NPLOC4: variants seen among roughly 807,000 people sequenced by gnomAD.
NPLOC4 encodes NPL4 homolog, ubiquitin recognition factor, also known as nuclear protein localization protein 4 homolog.
A neutral mutation model predicts 80.6 loss-of-function variants in NPLOC4; 18 were observed. The ratio of observed to expected loss-of-function variants is 0.22; its 90% CI spans 0.15 to 0.33. The LOEUF (loss-of-function observed/expected upper bound fraction) is 0.33, where lower values mean the gene tolerates loss of function less well. Ranked by LOEUF, NPLOC4 falls within the 10% of genes least tolerant of loss-of-function variation. The probability of loss-of-function intolerance (pLI) is 1.00; values close to 1 mark genes in which losing one functional copy is unlikely to be tolerated. For missense variants in NPLOC4, 540 were observed against 786.1 expected (o/e 0.69, Z 3.74); for synonymous variants, 313 against 301.5 (o/e 1.04, Z -0.39).
chr17:81,557,377 CAAAAG>C lies in NPLOC4; in HGVS notation c.*1877_*1881del, dbSNP rs1382933623. 2 of 152,426 alleles carry C rather than the reference CAAAAG, an allele frequency of 1.3e-5. No homozygotes were observed. Among genetic ancestry groups the C allele is most frequent in the African/African-American group, 4.8e-5 (2 of 41,452 alleles). 9.4% of individuals were successfully genotyped at this position (152,426 alleles called of 1,614,324 possible). ...CAATGCTTTTCCTTTAGCTAAAAGA[CAAAAG>C]AAAACATGAATGATGTGAATGCCGG... On this transcript the variant is annotated 3_prime_UTR_variant, in exon 17 of 17. Coordinates refer to ENST00000331134, the MANE Select transcript of NPLOC4 (RefSeq NM_017921.4).
At chr17:81,573,016 T>C (rs1407775623) in intron 12 of NPLOC4, among the ~76,000 whole-genome samples, 1 of 152,192 alleles carries the variant, frequency 6.6e-6, no homozygotes, top group Non-Finnish European at 1.5e-5. Context: ...ACGGCCAGCA[T>C]ATGTTCATTA....
chr17:81,626,113 C>T (rs2035788104), intron 2 of NPLOC4, among the ~76,000 whole-genome samples: 1 of 150,000 alleles, frequency 6.7e-6, no homozygotes, highest in African/African-American at 2.5e-5. Context: ...TGCGCCACTG[C>T]ACTCCAGCCC....
chr17:81,565,627 AG>A lies in NPLOC4; in HGVS notation c.1567-21del. 2 of 1,529,758 alleles carry A rather than the reference AG, an allele frequency of 1.3e-6. No homozygotes were observed. The highest frequency in any genetic ancestry group is 2.3e-4 in the Middle Eastern group (1 of 4,390). The allele number at this position is 1,529,758 out of a possible 1,614,324, so 94.8% of individuals were successfully genotyped here. ...GCTGTCCTACAAGAAGCCAAAAGGA[AG>A]GTTCCTCTTCGCTGTGCCTAAGGTG... On this transcript the variant is annotated intron_variant, in intron 15 of 16. Transcript: ENST00000331134.
chr17:81,637,052 C>G lies in NPLOC4; in HGVS notation c.-122G>C, dbSNP rs923782079. 4 of 516,424 alleles carry G rather than the reference C, an allele frequency of 7.7e-6. No homozygotes were observed. The allele number at this position is 516,424 out of a possible 1,614,324, so 32.0% of individuals were successfully genotyped here. On this transcript the variant is annotated 5_prime_UTR_variant, in exon 1 of 17. Transcript: ENST00000331134. ...GGCCTCCCTACGCCGCCGCCACCGCCGCTCCAGCTTCGCCCGCCCGGCTCC... is the reference window on the plus strand; with the variant it reads ...GGCCTCCCTACGCCGCCGCCACCGCGGCTCCAGCTTCGCCCGCCCGGCTCC...
intron 12 of NPLOC4, among the ~76,000 whole-genome samples, chr17:81,588,369 C>T (rs1332532837): frequency 6.6e-6 from 1 of 152,144 alleles, no homozygotes; most frequent in African/African-American, 2.4e-5. Context: ...CATCTCCACC[C>T]CTATCCTTGA....
chr17:81,619,068 G>GAAGGCC (rs755514980), intron 3 of NPLOC4, among the ~76,000 whole-genome samples: 1 of 152,118 alleles, frequency 6.6e-6, no homozygotes, highest in Non-Finnish European at 1.5e-5. Flanking sequence ...AAACACTGCG[G>GAAGGCC]AAGGCCGCAG....
intron 13 of NPLOC4, among the ~76,000 whole-genome samples, chr17:81,570,233 T>A (rs1010948922): frequency 2.6e-5 from 4 of 152,242 alleles, no homozygotes; most frequent in African/African-American, 4.8e-5. Context: ...GTCGGCTACA[T>A]GGCCTCGTCA....
chr17:81,629,047 T>G (rs1188831032), intron 2 of NPLOC4, among the ~76,000 whole-genome samples: 1 of 151,892 alleles, frequency 6.6e-6, no homozygotes, highest in Non-Finnish European at 1.5e-5. Context: ...CCCGGCTAAT[T>G]TTTTGTATTT....
At chr17:81,635,204 G>A (rs185713774) in intron 1 of NPLOC4, among the ~76,000 whole-genome samples, 47 of 151,942 alleles carry the variant, frequency 3.1e-4, no homozygotes, top group South Asian at 2.3e-3. Context: ...TCAGCCATGC[G>A]TGTTGGCGAG....
At chr17:81,570,375 A>G (rs574320492) in intron 13 of NPLOC4, among the ~76,000 whole-genome samples, 4 of 152,320 alleles carry the variant, frequency 2.6e-5, no homozygotes, top group East Asian at 3.9e-4. Context: ...AGCTGAAGAC[A>G]GGGGAGGTGC....
chr17:81,601,432 T>C (rs1238352575), intron 8 of NPLOC4, among the ~76,000 whole-genome samples: 1 of 152,212 alleles, frequency 6.6e-6, no homozygotes, highest in Non-Finnish European at 1.5e-5. Flanking sequence ...TTTTTGTGTG[T>C]GTATTTTTAG....
intron 13 of NPLOC4, 63 bp from the exon 14 acceptor site, chr17:81,569,174 C>G: frequency 1.8e-6 from 2 of 1,099,022 alleles, no homozygotes; most frequent in Non-Finnish European, 2.8e-6. Context: ...CGACTCCCAG[C>G]CAGCCCAGAG....
rs773520835 is a variant in NPLOC4 at position 81,559,160 on chromosome 17, GC to G, written c.*98del. 3.0e-6 allele frequency: 4 copies of G among 1,342,364 alleles called. No homozygotes were observed. Among genetic ancestry groups the G allele is most frequent in the Non-Finnish European group, 3.0e-6 (3 of 1,001,710 alleles). The allele number at this position is 1,342,364 out of a possible 1,614,324, so 83.2% of individuals were successfully genotyped here. ...GCCAGCCCCTTGTTCCTCCAGGGCT[GC>G]CCACTATGGGGCAGTTACAGGGAAC... On this transcript the variant is annotated 3_prime_UTR_variant, in exon 17 of 17. Transcript: ENST00000331134.
intron 5 of NPLOC4, 152 bp from the exon 6 acceptor site, chr17:81,608,974 C>A (rs1260250839): frequency 1.1e-5 from 6 of 541,910 alleles, no homozygotes; most frequent in South Asian, 2.9e-5. Flanking sequence ...CCTTACCACT[C>A]TGAGTCAGAA....
rs1020359430 is a variant in NPLOC4 at position 81,558,513 on chromosome 17, G to A, written c.*746C>T. 4 of 152,134 alleles carry A rather than the reference G, an allele frequency of 2.6e-5. No individual in the cohort carries two copies. Among genetic ancestry groups the A allele is most frequent in the Non-Finnish European group, 5.9e-5 (4 of 68,034 alleles). The allele number at this position is 152,134 out of a possible 1,614,324, so 9.4% of individuals were successfully genotyped here. ...ACTCATCACCCTGGACACAACCTCG[G>A]GGGCTTCACTAAAGGAGGGAAGGAT... On this transcript the variant is annotated 3_prime_UTR_variant, in exon 17 of 17. Coordinates refer to ENST00000331134, the MANE Select transcript of NPLOC4 (RefSeq NM_017921.4).
chr17:81,567,643 A>C lies in NPLOC4; in HGVS notation c.1450-110T>G, dbSNP rs1598618199. 1.5e-6 allele frequency: 1 copy of C among 673,516 alleles called. No individual in the cohort carries two copies. Among genetic ancestry groups the C allele is most frequent in the Admixed American group, 2.4e-5 (1 of 42,034 alleles). 41.7% of individuals were successfully genotyped at this position (673,516 alleles called of 1,614,324 possible). ...AACTCAATACACTGAATGCTGAGAC[A>C]CCTCTCCCTCTGCCTCTGCAACCAC... On this transcript the variant is annotated intron_variant, in intron 14 of 16. Coordinates refer to ENST00000331134, the MANE Select transcript of NPLOC4 (RefSeq NM_017921.4). This position sits in a 1 kb window ranked among gnomAD's most constrained non-coding sequence, Gnocchi z 4.5.
At chr17:81,610,098 C>A (rs1007961662) in intron 5 of NPLOC4, 112 bp downstream of exon 5, 5 of 911,924 alleles carry the variant, frequency 5.5e-6, no homozygotes, top group Non-Finnish European at 8.6e-6. Context: ...TAGGTAAGTT[C>A]TTTGAACCAC....
At chr17:81,601,743 G>A (rs192640799) in intron 8 of NPLOC4, among the ~76,000 whole-genome samples, 32 of 152,260 alleles carry the variant, frequency 2.1e-4, no homozygotes, top group African/African-American at 7.7e-4. Context: ...CCATGGCAAA[G>A]GCCTCATGAA....
At chr17:81,590,394 G>A (rs1241481476) in intron 11 of NPLOC4, among the ~76,000 whole-genome samples, 1 of 152,252 alleles carries the variant, frequency 6.6e-6, no homozygotes, top group African/African-American at 2.4e-5. Context: ...GGCAGATGAT[G>A]CCATGGGGGC....
Sources: gnomAD v4.1 joint callset for allele counts (sites outside exome capture counted in the v4.1 genomes callset) on GRCh38, gnomAD v4.1.1 for gene constraint, Gnocchi (gnomAD v3.1) non-coding constraint, MANE v1.5 for transcripts, NCBI Gene and HGNC (gene_info 2026-07-23, HGNC 2026-07-21) for gene names.